RAI14: variants seen among roughly 807,000 people sequenced by gnomAD.
RAI14 encodes the protein ankycorbin.
Under a neutral mutation model 115.4 loss-of-function variants are expected in RAI14, and 45 were observed. The ratio of observed to expected loss-of-function variants is 0.39; its 90% CI spans 0.31 to 0.50. The LOEUF (loss-of-function observed/expected upper bound fraction) is 0.50. Among genes scored for constraint, RAI14 ranks in the 20% least tolerant of loss-of-function variants. The probability of loss-of-function intolerance (pLI) is 0.85; values close to 1 mark genes in which losing one functional copy is unlikely to be tolerated. For missense variants in RAI14, 939 were observed against 1,131.2 expected (o/e 0.83, Z 2.44); for synonymous variants, 371 against 415.4 (o/e 0.89, Z 1.30).
At chr5:34,721,448 G>A (rs1442293911) in intron 2 of RAI14, among the ~76,000 whole-genome samples, 1 of 151,730 alleles carries the variant, frequency 6.6e-6, no homozygotes, top group Admixed American at 6.6e-5. Flanking sequence ...CTCACATCAT[G>A]CCTAGTCCAG....
At position 34,757,579 on chromosome 5, in the gene RAI14, G is replaced by A. The variant is rs528537613; in HGVS notation, c.148G>A (p.Asp50Asn). Residue 50 changes from aspartate to asparagine, a missense_variant, in exon 3 of 18, where the codon GAC becomes AAC. Transcript: ENST00000265109. The part of the protein sequence containing the change: ...GKKGASATKH[D>N]SEGKTAFHLA... ...GAAGGGGGCCAGTGCCACCAAACAC[G>A]ACAGTGAGGGCAAGACCGCGTAAGC... 1.1e-5 allele frequency: 17 copies of A among 1,613,006 alleles called. No individual in the cohort carries two copies. The highest frequency in any genetic ancestry group is 1.4e-5 in the Non-Finnish European group (17 of 1,179,730).
intron 2 of RAI14, among the ~76,000 whole-genome samples, chr5:34,722,605 G>T (rs1264646194): frequency 6.6e-6 from 1 of 152,166 alleles, no homozygotes; most frequent in Admixed American, 6.6e-5. Context: ...CAGCACTTTG[G>T]GAGGCTGAGG....
intron 2 of RAI14, among the ~76,000 whole-genome samples, chr5:34,700,626 G>A (rs1739950014): frequency 6.6e-6 from 1 of 152,224 alleles, no homozygotes; most frequent in South Asian, 2.1e-4. Flanking sequence ...CCATGTAATG[G>A]ACAGAAATAA....
At chr5:34,757,383 G>A in intron 2 of RAI14, 85 bp from the exon 3 acceptor site, 1 of 1,435,860 alleles carries the variant, frequency 7.0e-7, no homozygotes, top group Non-Finnish European at 9.7e-7. Flanking sequence ...CAGGAGGGTG[G>A]GGGCTGCGAG....
intron 3 of RAI14, among the ~76,000 whole-genome samples, chr5:34,785,171 G>A (rs571473897): frequency 2.6e-5 from 4 of 152,132 alleles, no homozygotes; most frequent in Admixed American, 6.5e-5. Context: ...TTTACTTAGC[G>A]GCCACTGTTC....
rs1473476878 is a variant in RAI14, at chr5:34,810,982, G to A, written c.451-30G>A. ...GCAATTCTGGCATTTTGTGCCTGAG[G>A]TAAAATCTAAATCTGAATTTGTCTC... On this transcript the variant is annotated intron_variant, in intron 7 of 17. Transcript: ENST00000265109. The A allele has an allele frequency of 3.7e-6, 6 of 1,609,706 alleles. No individual in the cohort carries two copies. The Admixed American group carries it at 8.4e-5, about 23-fold the overall frequency.
At chr5:34,812,478 C>T (rs1755721529) in intron 10 of RAI14, among the ~76,000 whole-genome samples, 1 of 152,068 alleles carries the variant, frequency 6.6e-6, no homozygotes. Context: ...CCACCCTGAC[C>T]AACATGGAGA....
In RAI14 at chr5:34,811,996, T is replaced by C; in HGVS notation, c.736+51T>C. 4 of 1,473,792 alleles carry C rather than the reference T, an allele frequency of 2.7e-6. No individual in the cohort carries two copies. In the South Asian group the frequency reaches 4.8e-5, roughly 18 times the overall value. The allele number at this position is 1,473,792 out of a possible 1,614,324, so 91.3% of individuals were successfully genotyped here. On this transcript the variant is annotated intron_variant, in intron 9 of 17. Transcript: ENST00000265109. ...TGTTTTAAGTTTATCCACTCCATTT[T>C]CCCCAAAGGATAAAGGAATGTGTGC...
rs143529397 is a variant in RAI14, at chr5:34,729,310, C to T, written c.37-28158C>T. 7.5e-4 allele frequency among the ~76,000 whole-genome samples: 114 copies of T among 152,314 alleles called. 2 individuals are homozygous for T. In the East Asian group the frequency reaches 0.02, roughly 26 times the overall value. ...GCTGCAGTGAGCTGTGATTGCACCA[C>T]TGCCCTCCAGCCTGAGTGACAGAGC... On this transcript the variant is annotated intron_variant, in intron 2 of 17. Transcript: ENST00000265109.
At chr5:34,681,856 CT>C (rs553263716) in intron 1 of RAI14, among the ~76,000 whole-genome samples, 25 of 122,146 alleles carry the variant, frequency 2.0e-4, no homozygotes, top group East Asian at 1.1e-3. Flanking sequence ...TTCTTTCTTT[CT>C]TTTTTTTTTT....
intron 2 of RAI14, among the ~76,000 whole-genome samples, chr5:34,701,571 T>A (rs1468560768): frequency 6.6e-6 from 1 of 152,198 alleles, no homozygotes; most frequent in Admixed American, 6.5e-5. Flanking sequence ...CCAGAAAATG[T>A]TTAAATTCAC....
At chr5:34,672,960 C>T (rs1445237807) in intron 1 of RAI14, among the ~76,000 whole-genome samples, 1 of 151,972 alleles carries the variant, frequency 6.6e-6, no homozygotes, top group African/African-American at 2.4e-5. Context: ...TTCCTTGTTT[C>T]CCTCCTTTGT....
intron 1 of RAI14, chr5:34,684,610 A>G (rs1744653536): frequency 6.6e-6 from 1 of 152,188 alleles, no homozygotes; most frequent in African/African-American, 2.4e-5. Flanking sequence ...GTGCTTCATG[A>G]TGACTGGATT....
At chr5:34,721,698 G>A (rs930904318) in intron 2 of RAI14, among the ~76,000 whole-genome samples, 14 of 151,984 alleles carry the variant, frequency 9.2e-5, no homozygotes, top group Non-Finnish European at 1.2e-4. Flanking sequence ...ATATAAGTTC[G>A]TGTTTTTCTT....
intron 3 of RAI14, among the ~76,000 whole-genome samples, chr5:34,788,940 G>A (rs1330572613): frequency 6.6e-6 from 1 of 152,186 alleles, no homozygotes; most frequent in East Asian, 1.9e-4. Flanking sequence ...CTATACTCTA[G>A]CCTGGGCGAC....
chr5:34,720,062 T>C (rs886444872), intron 2 of RAI14, among the ~76,000 whole-genome samples: 3 of 152,148 alleles, frequency 2.0e-5, no homozygotes, highest in East Asian at 1.9e-4. Context: ...AGGAGAAGAA[T>C]TGGCCTCTAG....
chr5:34,664,153 G>A (rs553521231), intron 1 of RAI14, among the ~76,000 whole-genome samples: 6 of 151,958 alleles, frequency 3.9e-5, no homozygotes, highest in African/African-American at 1.4e-4. Flanking sequence ...GAAATACATG[G>A]GCTCTTTTTT....
chr5:34,824,406 A>C lies in RAI14; in HGVS notation c.2564A>C (p.Lys855Thr). The change falls in exon 15 of 18, where the codon AAA becomes ACA. Residue 855 changes from lysine to threonine, a missense_variant. Coordinates refer to ENST00000265109, the MANE Select transcript of RAI14 (RefSeq NM_015577.3). Reference protein sequence around the residue: ...KEQEVNELLQKFQQAQEELAE... With the variant: ...KEQEVNELLQTFQQAQEELAE... Reference sequence around the variant, plus strand: ...CAAGAAGTAAATGAACTTCTGCAAAAATTCCAGCAAGCTCAGGAAGAACTT... The same window carrying C: ...CAAGAAGTAAATGAACTTCTGCAAACATTCCAGCAAGCTCAGGAAGAACTT... 1 of 1,608,870 alleles carries C rather than the reference A, an allele frequency of 6.2e-7. No individual in the cohort carries two copies. The highest frequency in any genetic ancestry group is 8.5e-7 in the Non-Finnish European group (1 of 1,175,916).
intron 2 of RAI14, among the ~76,000 whole-genome samples, chr5:34,712,721 A>G (rs1741538634): frequency 6.6e-6 from 1 of 152,220 alleles, no homozygotes; most frequent in South Asian, 2.1e-4. Flanking sequence ...CAGGTGTCAT[A>G]AGCAAGAAAA....
Sources: allele counts gnomAD v4.1 joint callset (sites outside exome capture counted in the v4.1 genomes callset), GRCh38; gene constraint gnomAD v4.1.1; transcripts MANE v1.5; gene names NCBI Gene and HGNC (gene_info 2026-07-23, HGNC 2026-07-21).